The following PPP6R2 variants were observed in gnomAD, a reference collection of about 807,000 sequenced individuals.
The protein encoded by PPP6R2 is protein phosphatase 6 regulatory subunit 2.
Under a neutral mutation model 100.2 loss-of-function variants are expected in PPP6R2, and 62 were observed. That is an observed-to-expected ratio of 0.62 (90% CI 0.50 to 0.76). The LOEUF (loss-of-function observed/expected upper bound fraction) is 0.76, where lower values mean the gene tolerates loss of function less well. PPP6R2 is among the 30% of genes least tolerant of loss of function. PPP6R2 has a pLI of 0.00. For missense variants in PPP6R2, 1,142 were observed against 1,276.3 expected, an observed-to-expected ratio of 0.89 and a Z score of 1.60; for synonymous variants, 525 against 514.7, an observed-to-expected ratio of 1.02 and a Z score of -0.27.
At chr22:50,370,513 G>GATCT (rs1569313471) in intron 1 of PPP6R2, among the ~76,000 whole-genome samples, 2 of 151,308 alleles carry the variant, frequency 1.3e-5, no homozygotes, top group Admixed American at 6.6e-5. Context: ...GGTCTCGAAT[G>GATCT]CCTGACCTCG....
chr22:50,424,786 C>T (rs776411413), intron 10 of PPP6R2, among the ~76,000 whole-genome samples: 15 of 151,886 alleles, frequency 9.9e-5, no homozygotes, highest in African/African-American at 3.4e-4. Context: ...TACAGGCATG[C>T]GCCACCATGC....
At chr22:50,439,600 G>A in intron 19 of PPP6R2, 101 bp from the exon 20 acceptor site, 1 of 1,328,224 alleles carries the variant, frequency 7.5e-7, no homozygotes, top group Non-Finnish European at 1.0e-6. Context: ...CCATCTTCCT[G>A]TCAACCTCTG....
intron 4 of PPP6R2, among the ~76,000 whole-genome samples, chr22:50,411,613 G>A (rs756347956): frequency 6.6e-6 from 1 of 152,124 alleles, no homozygotes; most frequent in African/African-American, 2.4e-5. Context: ...AATTAGCTGG[G>A]CGTGGTGGCC....
the PPP6R2 span, among the ~76,000 whole-genome samples, chr22:50,332,065 A>G: frequency 6.6e-6 from 1 of 151,654 alleles, no homozygotes; most frequent in South Asian, 2.1e-4. Flanking sequence ...ACACCCAGGT[A>G]TCTTTTATGT....
At chr22:50,348,406 T>C (rs887327064) in intron 1 of PPP6R2, among the ~76,000 whole-genome samples, 1 of 152,020 alleles carries the variant, frequency 6.6e-6, no homozygotes, top group Non-Finnish European at 1.5e-5. Flanking sequence ...TTGGGACTTG[T>C]TGGTAGATGA....
At chr22:50,341,704 G>A (rs112593835), upstream of PPP6R2, among the ~76,000 whole-genome samples, 1 of 152,228 alleles carries the variant, frequency 6.6e-6, no homozygotes, top group Non-Finnish European at 1.5e-5. Flanking sequence ...GAGAGAGGAG[G>A]AGAGGGCTGG....
chr22:50,346,827 C>T (rs2043871968), intron 1 of PPP6R2, among the ~76,000 whole-genome samples: 1 of 140,260 alleles, frequency 7.1e-6, no homozygotes, highest in African/African-American at 2.6e-5. Context: ...CAGCCAGTGC[C>T]CCCCCAGTCA....
chr22:50,440,109 T>C, intron 21 of PPP6R2, 60 bp downstream of exon 21: 1 of 1,475,012 alleles, frequency 6.8e-7, no homozygotes, highest in Non-Finnish European at 9.3e-7. Context: ...TGAGGCCAGC[T>C]GGCCCCCCTC....
chr22:50,424,527 C>T (rs1309296193), intron 10 of PPP6R2, among the ~76,000 whole-genome samples: 1 of 150,058 alleles, frequency 6.7e-6, no homozygotes, highest in South Asian at 2.1e-4. Flanking sequence ...GCGTGTGGAA[C>T]GTCTGTCAGC....
intron 10 of PPP6R2, among the ~76,000 whole-genome samples, chr22:50,427,727 G>GT (rs1393283296): frequency 1.4e-5 from 2 of 141,550 alleles, no homozygotes; most frequent in Non-Finnish European, 3.2e-5. Flanking sequence ...TTTTTGTTTT[G>GT]TTTTGTTTTT....
chr22:50,351,026 G>GGTTTT lies in PPP6R2; in HGVS notation c.-148+7476_-148+7477insGTTTT, dbSNP rs1386357403. The stretch of plus-strand genomic sequence containing the variant: ...TTTCTGAGCAGTAGGTCTCAACAGT[G>GGTTTT]TTTTTTTTTTTTTTTTTTTTTTTTT... On this transcript the variant is annotated intron_variant, in intron 1 of 23. Transcript: ENST00000612753. Among the ~76,000 whole-genome samples the GGTTTT allele has an allele frequency of 4.6e-3, 371 of 80,708 alleles. 83 individuals are homozygous for GGTTTT. The highest frequency in any genetic ancestry group is 0.015 in the African/African-American group (295 of 19,532). The allele number at this position is 80,708 out of a possible 152,430, so 52.9% of individuals were successfully genotyped here. A position where few individuals can be genotyped will look rare whatever the true frequency, so the allele number is the denominator to read the frequency against.
rs1268741793 is a variant in PPP6R2 at position 50,438,621 on chromosome 22, G to C, written c.1987G>C (p.Glu663Gln). The C allele has an allele frequency of 1.2e-6, 2 of 1,614,098 alleles. No individual in the cohort carries two copies. The highest frequency in any genetic ancestry group is 1.7e-6 in the Non-Finnish European group (2 of 1,180,002). Residue 663 changes from glutamate (E) to glutamine (Q), a missense_variant, in exon 19 of 24, where the codon GAG becomes CAG. Around this residue, in one of 2 missense-constraint regions of PPP6R2, gnomAD observed 550 missense variants for 517.4 expected, o/e 1.06. Coordinates refer to ENST00000612753, the MANE Select transcript of PPP6R2 (RefSeq NM_001242898.2). ...RPRFGAPHASESCSKNGPERG... is the reference protein window; with the variant it reads ...RPRFGAPHASQSCSKNGPERG... The stretch of plus-strand genomic sequence containing the variant: ...CAGGTTTGGAGCCCCCCATGCTTCA[G>C]AGAGTTGCTCAAAGAATGGCCCAGA...
chr22:50,397,415 T>C (rs2057130605), intron 3 of PPP6R2, among the ~76,000 whole-genome samples: 1 of 152,224 alleles, frequency 6.6e-6, no homozygotes, highest in African/African-American at 2.4e-5. Context: ...TAATTCATAA[T>C]GTCTAAAATT....
At chr22:50,331,525 C>G in the PPP6R2 span, among the ~76,000 whole-genome samples, 1 of 152,106 alleles carries the variant, frequency 6.6e-6, no homozygotes. Context: ...TGGCATTTCC[C>G]TGATGATTAA....
At chr22:50,438,481 G>C in intron 18 of PPP6R2, 118 bp from the exon 19 acceptor site, 1 of 1,439,770 alleles carries the variant, frequency 6.9e-7, no homozygotes, top group African/African-American at 1.4e-5. Context: ...AGCGTCTCGT[G>C]CTCCTCTCTC....
chr22:50,362,748 G>C (rs2148361098), intron 1 of PPP6R2, among the ~76,000 whole-genome samples: 1 of 152,294 alleles, frequency 6.6e-6, no homozygotes, highest in Admixed American at 6.5e-5. Context: ...CAGAGAGCTT[G>C]CTCTCACCCT....
At chr22:50,368,260 G>T (rs1418752263) in intron 1 of PPP6R2, among the ~76,000 whole-genome samples, 2 of 152,184 alleles carry the variant, frequency 1.3e-5, no homozygotes, top group African/African-American at 4.8e-5. Context: ...ACAGGAGGTG[G>T]TGGAGCAGAG....
chr22:50,406,338 GTGTGA>G (rs2058956395), intron 3 of PPP6R2, among the ~76,000 whole-genome samples: 1 of 150,432 alleles, frequency 6.6e-6, no homozygotes, highest in African/African-American at 2.5e-5. Context: ...TGGCAGGCGA[GTGTGA>G]AGGCCTAGAG....
intron 1 of PPP6R2, among the ~76,000 whole-genome samples, chr22:50,351,026 G>GGTTTTTTTTTTTTTTTTTTTT (rs1386357403): frequency 1.2e-5 from 1 of 80,748 alleles, no homozygotes; most frequent in Non-Finnish European, 2.3e-5. Flanking sequence ...TCTCAACAGT[G>GGTTTTTTTTTTTTTTTTTTTT]TTTTTTTTTT....
Sources: gnomAD v4.1 joint callset for allele counts (sites outside exome capture counted in the v4.1 genomes callset) on GRCh38, gnomAD v4.1.1 for gene constraint, gnomAD v4.1.1 regional missense constraint, MANE v1.5 for transcripts, NCBI Gene and HGNC (gene_info 2026-07-23, HGNC 2026-07-21) for gene names.